XRCC4: variants seen among roughly 807,000 people sequenced by gnomAD.
XRCC4 encodes DNA repair protein XRCC4.
Under a neutral mutation model 39.1 loss-of-function variants are expected in XRCC4, and 28 were observed. That is an observed-to-expected ratio of 0.72 (90% confidence interval 0.53 to 0.98). XRCC4 has a LOEUF of 0.98. Ranked by LOEUF, XRCC4 falls within the 50% of genes least tolerant of loss-of-function variation. The pLI is 0.00. For missense variants in XRCC4, 350 were observed against 376.4 expected (o/e 0.93, Z 0.58); for synonymous variants, 123 against 126.4 (o/e 0.97, Z 0.18).
chr5:83,139,268 T>C (rs1407077511), intron 3 of XRCC4, among the ~76,000 whole-genome samples: 1 of 152,190 alleles, frequency 6.6e-6, no homozygotes, highest in Admixed American at 6.5e-5. Context: ...CTTTGGATTT[T>C]TCCTCAAGAT....
At chr5:83,136,766 A>G (rs1747917775) in intron 3 of XRCC4, among the ~76,000 whole-genome samples, 1 of 152,164 alleles carries the variant, frequency 6.6e-6, no homozygotes, top group African/African-American at 2.4e-5. Context: ...ATTTAATTGA[A>G]TTATATTCAG....
intron 6 of XRCC4, among the ~76,000 whole-genome samples, chr5:83,223,805 G>A (rs955949663): frequency 4.0e-5 from 6 of 151,084 alleles, no homozygotes; most frequent in Admixed American, 2.6e-4. Flanking sequence ...TACATTAGTT[G>A]TATCTCCTAA....
chr5:83,170,366 T>C (rs1749667404), intron 3 of XRCC4, among the ~76,000 whole-genome samples: 1 of 152,088 alleles, frequency 6.6e-6, no homozygotes, highest in African/African-American at 2.4e-5. Context: ...TAAAACTGAG[T>C]GAAACCAAAT....
intron 7 of XRCC4, among the ~76,000 whole-genome samples, chr5:83,309,983 TTTAGTATATTCAGGAATGA>T (rs1755651314): frequency 6.6e-6 from 1 of 152,146 alleles, no homozygotes. Context: ...TACATTTTCT[TTTAGTATATTCAGGAATGA>T]CAAATAATTA....
At chr5:83,196,075 A>G in intron 4 of XRCC4, 139 bp downstream of exon 4, 1 of 815,340 alleles carries the variant, frequency 1.2e-6, no homozygotes, top group Non-Finnish European at 1.7e-6. Context: ...TGATTAAACG[A>G]AATTATTCAT....
intron 7 of XRCC4, among the ~76,000 whole-genome samples, chr5:83,270,510 C>T (rs1754103871): frequency 6.6e-6 from 1 of 152,104 alleles, no homozygotes; most frequent in Non-Finnish European, 1.5e-5. Flanking sequence ...CTGCAGCCTA[C>T]TCCCTTTTTT....
chr5:83,209,731 GAATA>G (rs1751567287), intron 6 of XRCC4, among the ~76,000 whole-genome samples: 1 of 151,736 alleles, frequency 6.6e-6, no homozygotes, highest in African/African-American at 2.4e-5. Flanking sequence ...TTATTTCTAT[GAATA>G]GAGTTGACAA....
intron 7 of XRCC4, among the ~76,000 whole-genome samples, chr5:83,279,681 A>T (rs1411688647): frequency 6.6e-6 from 1 of 152,236 alleles, no homozygotes; most frequent in East Asian, 1.9e-4. Context: ...TCTGCTTAGA[A>T]GAATGATGTC....
intron 3 of XRCC4, among the ~76,000 whole-genome samples, chr5:83,119,543 T>C (rs926110407): frequency 2.6e-5 from 4 of 152,186 alleles, no homozygotes; most frequent in Non-Finnish European, 5.9e-5. Context: ...TACTGTTTTT[T>C]GTTTGTGGAC....
intron 7 of XRCC4, among the ~76,000 whole-genome samples, chr5:83,309,242 G>A (rs1264463674): frequency 8.4e-6 from 1 of 118,830 alleles, no homozygotes; most frequent in Non-Finnish European, 1.6e-5. Context: ...ACTCCAGCCT[G>A]GGTGACAGAG....
At chr5:83,238,229 G>A (rs1302609970) in intron 6 of XRCC4, among the ~76,000 whole-genome samples, 4 of 152,116 alleles carry the variant, frequency 2.6e-5, no homozygotes, top group Non-Finnish European at 5.9e-5. Flanking sequence ...TGATGGTTTC[G>A]AAGTCCTCTG....
chr5:83,272,295 C>T (rs1474484339), intron 7 of XRCC4, among the ~76,000 whole-genome samples: 1 of 152,140 alleles, frequency 6.6e-6, no homozygotes, highest in Non-Finnish European at 1.5e-5. Context: ...CCATTAAAGT[C>T]ATACCCCCCC....
At chr5:83,209,129 A>T (rs1751537503) in intron 6 of XRCC4, among the ~76,000 whole-genome samples, 1 of 149,918 alleles carries the variant, frequency 6.7e-6, no homozygotes, top group African/African-American at 2.5e-5. Context: ...TGTGAATTTA[A>T]TAGAAATCTG....
At chr5:83,221,710 C>G (rs575085438) in intron 6 of XRCC4, among the ~76,000 whole-genome samples, 1 of 151,654 alleles carries the variant, frequency 6.6e-6, no homozygotes, top group South Asian at 2.1e-4. Flanking sequence ...TATGCTCAGT[C>G]CTAGATTAAA....
At chr5:83,242,172 G>GTA (rs1236282141) in intron 6 of XRCC4, among the ~76,000 whole-genome samples, 1 of 151,194 alleles carries the variant, frequency 6.6e-6, no homozygotes, top group Non-Finnish European at 1.5e-5. Flanking sequence ...TTGTGTGTGT[G>GTA]TGTGTGTGTG....
chr5:83,202,909 T>C (rs1259692117), intron 4 of XRCC4, among the ~76,000 whole-genome samples: 1 of 152,222 alleles, frequency 6.6e-6, no homozygotes, highest in African/African-American at 2.4e-5. Context: ...GAATTTTGTA[T>C]GTTTTGTCTT....
chr5:83,283,872 T>C (rs1035362086), intron 7 of XRCC4, among the ~76,000 whole-genome samples: 8 of 151,986 alleles, frequency 5.3e-5, no homozygotes, highest in Admixed American at 2.0e-4. Context: ...TACATATGTA[T>C]GTGTGTCAGG....
intron 1 of XRCC4, among the ~76,000 whole-genome samples, chr5:83,095,155 T>C (rs1745618364): frequency 6.6e-6 from 1 of 152,172 alleles, no homozygotes; most frequent in African/African-American, 2.4e-5. Flanking sequence ...AGCTTGCTTT[T>C]AGGTTCTGTA....
intron 1 of XRCC4, among the ~76,000 whole-genome samples, chr5:83,094,223 A>G (rs1745562510): frequency 1.3e-5 from 2 of 151,632 alleles, no homozygotes; most frequent in South Asian, 4.2e-4. Context: ...TCTACTTCTT[A>G]ATTCCTATTA....
Sources: gnomAD v4.1 joint callset for allele counts (sites outside exome capture counted in the v4.1 genomes callset) on GRCh38, gnomAD v4.1.1 for gene constraint, MANE v1.5 for transcripts, NCBI Gene and HGNC (gene_info 2026-07-23, HGNC 2026-07-21) for gene names.